The following ONECUT2 variants were observed in gnomAD, a reference collection of about 807,000 sequenced individuals.
The protein encoded by ONECUT2 is one cut domain family member 2.
Under a neutral mutation model 27.9 loss-of-function variants are expected in ONECUT2, and 10 were observed. The ratio of observed to expected loss-of-function variants is 0.36; its 90% CI spans 0.22 to 0.61. The LOEUF is 0.61. Ranked by LOEUF, ONECUT2 falls within the 20% of genes least tolerant of loss-of-function variation. ONECUT2 has a pLI of 0.73. For synonymous variants in ONECUT2, 334 were observed against 315.1 expected (o/e 1.06, Z -0.64); for missense variants, 686 against 721.0 (o/e 0.95, Z 0.56).
rs200319925 is a variant in ONECUT2, at chr18:57,436,207, C to G, written c.491C>G (p.Ser164Cys). The change falls in exon 1 of 2, where the codon TCT becomes TGT. Residue 164 changes from serine (S) to cysteine (C), a missense_variant. Around this residue, in one of 4 missense-constraint regions of ONECUT2, gnomAD observed 511 missense variants for 488.1 expected, o/e 1.05. Transcript: ENST00000491143. The surrounding 1 kb of genome is among the most constrained non-coding windows in gnomAD (Gnocchi z 5.9). ...CCGCTGCCACCCATCTCCACCGTGT[C>G]TGACAAGTTCCACCACCCTCACCCG... ...LQPLPPISTV[S>C]DKFHHPHPHH... 335 of 1,606,662 alleles carry G rather than the reference C, an allele frequency of 2.1e-4. No individual in the cohort carries two copies. Among genetic ancestry groups the G allele is most frequent in the Non-Finnish European group, 2.8e-4 (327 of 1,178,714 alleles).
chr18:57,458,443 G>A (rs1285378764), intron 1 of ONECUT2, among the ~76,000 whole-genome samples: 1 of 152,142 alleles, frequency 6.6e-6, no homozygotes, highest in Admixed American at 6.5e-5. Flanking sequence ...GGTATCTTAG[G>A]TTTGCGTATT....
At chr18:57,437,637 A>G (rs1321839413) in intron 1 of ONECUT2, among the ~76,000 whole-genome samples, 2 of 152,162 alleles carry the variant, frequency 1.3e-5, no homozygotes, top group Non-Finnish European at 2.9e-5. Context: ...GCCAGCTCCA[A>G]TGTCACTACC....
Position 57,486,195 on chromosome 18 carries a change from G to A in ONECUT2, c.*9472G>A, listed in dbSNP as rs945063921. ...CACTTGCAAAGTGTGACATAACCAC[G>A]GGACGAGTGCCTTGCTTGAACCAAA... On this transcript the variant is annotated 3_prime_UTR_variant, in exon 2 of 2. Transcript: ENST00000491143. The A allele has an allele frequency of 6.6e-5, 10 of 152,576 alleles. No homozygotes were observed. Among genetic ancestry groups the A allele is most frequent in the Admixed American group, 3.9e-4 (6 of 15,260 alleles). 9.5% of individuals were successfully genotyped at this position (152,576 alleles called of 1,614,324 possible).
rs1479411201 is a variant in ONECUT2 at position 57,483,052 on chromosome 18, G to A, written c.*6329G>A. 6.6e-6 allele frequency: 1 copy of A among 151,274 alleles called. No individual in the cohort carries two copies. The highest frequency in any genetic ancestry group is 1.9e-4 in the East Asian group (1 of 5,148). The allele number at this position is 151,274 out of a possible 1,614,324, so 9.4% of individuals were successfully genotyped here. A position where few individuals can be genotyped will look rare whatever the true frequency, so the allele number is the denominator to read the frequency against. On this transcript the variant is annotated 3_prime_UTR_variant, in exon 2 of 2. Transcript: ENST00000491143. The stretch of plus-strand genomic sequence containing the variant: ...ATGACACCTATGATTGATGACTTCG[G>A]TTGAATAGCTTTATTCTGGATTTTT...
intron 1 of ONECUT2, among the ~76,000 whole-genome samples, chr18:57,473,522 T>C (rs2050365548): frequency 6.6e-6 from 1 of 152,174 alleles, no homozygotes; most frequent in South Asian, 2.1e-4. Context: ...CCCCAGGTCT[T>C]GGAGGTGTGG....
At chr18:57,467,877 G>A (rs1454085395) in intron 1 of ONECUT2, among the ~76,000 whole-genome samples, 2 of 152,172 alleles carry the variant, frequency 1.3e-5, no homozygotes, top group African/African-American at 4.8e-5. Flanking sequence ...GTGTGTATGT[G>A]TGCATCGTGC....
intron 1 of ONECUT2, among the ~76,000 whole-genome samples, chr18:57,449,944 C>G (rs2050220971): frequency 6.6e-6 from 1 of 152,212 alleles, no homozygotes; most frequent in Non-Finnish European, 1.5e-5. Flanking sequence ...TTTTCTGTGT[C>G]TCCCTTTCTT....
Position 57,486,580 on chromosome 18 carries a change from A to G in ONECUT2, c.*9857A>G, listed in dbSNP as rs3745065. On this transcript the variant is annotated 3_prime_UTR_variant, in exon 2 of 2. Transcript: ENST00000491143. ...TTATAGCGTATGTAATAAATTATTC[A>G]CTGTTTCTTTTGGTAACTGTGATTT... is the stretch of plus-strand genomic sequence containing the variant. The G allele has an allele frequency of 6.6e-6, 1 of 152,600 alleles. No homozygotes were observed. Among genetic ancestry groups the G allele is most frequent in the East Asian group, 1.9e-4 (1 of 5,196 alleles). 9.5% of individuals were successfully genotyped at this position (152,600 alleles called of 1,614,324 possible). A position where few individuals can be genotyped will look rare whatever the true frequency, so the allele number is the denominator to read the frequency against.
chr18:57,461,557 C>A (rs1000889113), intron 1 of ONECUT2, among the ~76,000 whole-genome samples: 5 of 152,144 alleles, frequency 3.3e-5, no homozygotes, highest in African/African-American at 9.7e-5. Flanking sequence ...AGTGGAGAAG[C>A]AAGACAGGAA....
At chr18:57,461,418 CTAATGTACT>C (rs1379703217) in intron 1 of ONECUT2, among the ~76,000 whole-genome samples, 2 of 152,198 alleles carry the variant, frequency 1.3e-5, no homozygotes, top group African/African-American at 2.4e-5. Flanking sequence ...TACATGCATC[CTAATGTACT>C]TAACCATACA....
chr18:57,464,364 C>T (rs1041813955), intron 1 of ONECUT2, among the ~76,000 whole-genome samples: 7 of 151,892 alleles, frequency 4.6e-5, no homozygotes, highest in South Asian at 2.1e-4. Context: ...GCTCCTTTTC[C>T]GATATAACAT....
intron 1 of ONECUT2, among the ~76,000 whole-genome samples, chr18:57,457,998 G>A (rs2050269579): frequency 6.6e-6 from 1 of 152,268 alleles, no homozygotes. Flanking sequence ...GGGAGGGATA[G>A]CATTAGAAGA....
At chr18:57,458,440 T>G (rs970123550) in intron 1 of ONECUT2, among the ~76,000 whole-genome samples, 1 of 152,160 alleles carries the variant, frequency 6.6e-6, no homozygotes, top group African/African-American at 2.4e-5. Context: ...ATAGGTATCT[T>G]AGGTTTGCGT....
Position 57,436,277 on chromosome 18 carries a change from G to C in ONECUT2, c.561G>C (p.Leu187=). Residue 187 remains leucine, a synonymous_variant, in exon 1 of 2, where the codon CTG becomes CTC. Transcript: ENST00000491143. The surrounding 1 kb of genome is among the most constrained non-coding windows in gnomAD (Gnocchi z 5.9). The part of the protein sequence containing the change: ...HHHHHHHHQR[L]SGNVSGSFTL... The stretch of plus-strand genomic sequence containing the variant: ...ACCACCACCACCACCACCAGCGCCT[G>C]TCCGGCAACGTCAGCGGCAGCTTCA... The C allele has an allele frequency of 6.2e-7, 1 of 1,604,562 alleles. No homozygotes were observed. Among genetic ancestry groups the C allele is most frequent in the Non-Finnish European group, 8.5e-7 (1 of 1,179,288 alleles).
Position 57,485,435 on chromosome 18 carries a change from C to T in ONECUT2, c.*8712C>T, listed in dbSNP as rs1367620579. On this transcript the variant is annotated 3_prime_UTR_variant, in exon 2 of 2. Transcript: ENST00000491143. ...GAAATGGCTACTTAAAGTTGCTTCTCTCTTTCCTTCTTACTCATGAAATTA... is the reference window on the plus strand; with the variant it reads ...GAAATGGCTACTTAAAGTTGCTTCTTTCTTTCCTTCTTACTCATGAAATTA... The T allele has an allele frequency of 2.0e-5, 3 of 152,226 alleles. No homozygotes were observed. The highest frequency in any genetic ancestry group is 7.2e-5 in the African/African-American group (3 of 41,472). The allele number at this position is 152,226 out of a possible 1,614,324, so 9.4% of individuals were successfully genotyped here. A position where few individuals can be genotyped will look rare whatever the true frequency, so the allele number is the denominator to read the frequency against.
Position 57,487,864 on chromosome 18 carries a change from C to A in ONECUT2, c.*11141C>A, listed in dbSNP as rs2050445880. On this transcript the variant is annotated 3_prime_UTR_variant, in exon 2 of 2. Coordinates refer to ENST00000491143, the MANE Select transcript of ONECUT2 (RefSeq NM_004852.3). ...TATTTTTCAGTTGCAGGGGATTGGG[C>A]AAACTTGTTCTTTCTTATACTTGGG... 1 of 152,184 alleles carries A rather than the reference C, an allele frequency of 6.6e-6. No individual in the cohort carries two copies. The highest frequency in any genetic ancestry group is 2.4e-5 in the African/African-American group (1 of 41,458). 9.4% of individuals were successfully genotyped at this position (152,184 alleles called of 1,614,324 possible). A position where few individuals can be genotyped will look rare whatever the true frequency, so the allele number is the denominator to read the frequency against.
At position 57,435,922 on chromosome 18, in the gene ONECUT2, A is replaced by ACG; in HGVS notation, c.209_210dup (p.Gly71ArgfsTer62). On this transcript the variant is annotated frameshift_variant, in exon 1 of 2. Coordinates refer to ENST00000491143, the MANE Select transcript of ONECUT2 (RefSeq NM_004852.3). LOFTEE classifies it high-confidence loss of function. ...CTGCTGGCCAGCCCCAGCCCCCACC[A>ACG]CGCGGGCCGCGGCGCCGCTGGCTCG... is the stretch of plus-strand genomic sequence containing the variant. The ACG allele has an allele frequency of 8.6e-7, 1 of 1,166,468 alleles. No individual in the cohort carries two copies. Among genetic ancestry groups the ACG allele is most frequent in the Non-Finnish European group, 1.1e-6 (1 of 949,062 alleles). The allele number at this position is 1,166,468 out of a possible 1,614,324, so 72.3% of individuals were successfully genotyped here.
intron 1 of ONECUT2, among the ~76,000 whole-genome samples, chr18:57,453,556 C>G (rs1239451108): frequency 1.9e-3 from 1 of 530 alleles, no homozygotes; most frequent in South Asian, 0.17. Context: ...TCACAGTTCC[C>G]CTGAATGTGA....
At chr18:57,460,153 C>T (rs1330822603) in intron 1 of ONECUT2, among the ~76,000 whole-genome samples, 2 of 151,778 alleles carry the variant, frequency 1.3e-5, no homozygotes, top group East Asian at 3.9e-4. Flanking sequence ...TCTCAAACTC[C>T]TGAGCTCAAG....
Sources: allele counts gnomAD v4.1 joint callset (sites outside exome capture counted in the v4.1 genomes callset), GRCh38; gene constraint gnomAD v4.1.1; regional missense constraint gnomAD v4.1.1; non-coding constraint Gnocchi (gnomAD v3.1); transcripts MANE v1.5; gene names NCBI Gene and HGNC (gene_info 2026-07-23, HGNC 2026-07-21).